MRNIP: variants seen among roughly 807,000 people sequenced by gnomAD.
MRNIP encodes the protein MRN complex interacting protein.
A neutral mutation model predicts 29.8 loss-of-function variants in MRNIP; 30 were observed. That is an observed-to-expected ratio of 1.01 (90% CI 0.75 to 1.36). MRNIP has a LOEUF of 1.36. Among genes scored for constraint, MRNIP ranks in the 40% most tolerant of loss-of-function variants. The pLI is 0.00. For missense variants in MRNIP, 459 were observed against 423.5 expected, an observed-to-expected ratio of 1.08 and a Z score of -0.74; for synonymous variants, 201 against 164.1, an observed-to-expected ratio of 1.23 and a Z score of -1.72.
chr5:179,841,751 GC>G lies in MRNIP; in HGVS notation c.449+155del. The G allele has an allele frequency of 3.9e-6, 3 of 765,002 alleles. No individual in the cohort carries two copies. The South Asian group carries it at 5.2e-5, about 13-fold the overall frequency. The allele number at this position is 765,002 out of a possible 1,614,324, so 47.4% of individuals were successfully genotyped here. A position where few individuals can be genotyped will look rare whatever the true frequency, so the allele number is the denominator to read the frequency against. On this transcript the variant is annotated intron_variant, in intron 5 of 6. Coordinates refer to ENST00000292586, the MANE Select transcript of MRNIP (RefSeq NM_016175.4). Reference sequence around the variant, plus strand: ...GCCCAATGCCCAGGTGGGCTGTGGGGCCAGCAGTGGCAGCAGCTGCCCGATT... The same window carrying G: ...GCCCAATGCCCAGGTGGGCTGTGGGGCAGCAGTGGCAGCAGCTGCCCGATT...
rs1433405228 is a variant in MRNIP, at chr5:179,837,296, G to A, written c.*95C>T. On this transcript the variant is annotated 3_prime_UTR_variant, in exon 7 of 7. Transcript: ENST00000292586. Reference sequence around the variant, plus strand: ...AGAAATGATTGACAGTAAGTTTATTGTTAATGGTTCTTACAGAGTATCTTT... The same window carrying A: ...AGAAATGATTGACAGTAAGTTTATTATTAATGGTTCTTACAGAGTATCTTT... 6.8e-6 allele frequency: 11 copies of A among 1,606,566 alleles called. No homozygotes were observed. The highest frequency in any genetic ancestry group is 6.7e-5 in the African/African-American group (5 of 74,624).
At chr5:179,837,995 G>A in intron 6 of MRNIP, 110 bp from the exon 7 acceptor site, 1 of 1,036,016 alleles carries the variant, frequency 9.7e-7, no homozygotes, top group African/African-American at 1.6e-5. Flanking sequence ...GACACTTTCT[G>A]CTGGAAGCTG....
chr5:179,845,319 T>C (rs1182611329), intron 3 of MRNIP, among the ~76,000 whole-genome samples: 1 of 151,992 alleles, frequency 6.6e-6, no homozygotes, highest in African/African-American at 2.4e-5. Context: ...CAGCTAATTT[T>C]TGTATTTTTA....
intron 2 of MRNIP, chr5:179,851,323 A>G: frequency 2.2e-6 from 1 of 456,108 alleles, no homozygotes; most frequent in South Asian, 1.5e-5. Flanking sequence ...GCCTGGGCCA[A>G]CCAGGTTGCT....
intron 2 of MRNIP, among the ~76,000 whole-genome samples, 196 bp from the exon 3 acceptor site, chr5:179,848,262 T>C (rs890751881): frequency 6.6e-6 from 1 of 152,196 alleles, no homozygotes; most frequent in Non-Finnish European, 1.5e-5. Context: ...CCGGAACTAA[T>C]AGTTTACATC....
At chr5:179,842,749 A>G (rs1169415406) in intron 4 of MRNIP, among the ~76,000 whole-genome samples, 7 of 118,728 alleles carry the variant, frequency 5.9e-5, no homozygotes, top group African/African-American at 2.2e-4. Flanking sequence ...GGGTGGAAAC[A>G]TGGCCAGGCG....
rs1258429492 is a variant in MRNIP, at chr5:179,837,329, C to T, written c.*62G>A. 6.9e-6 allele frequency: 11 copies of T among 1,587,940 alleles called. No individual in the cohort carries two copies. The highest frequency in any genetic ancestry group is 9.4e-6 in the Non-Finnish European group (11 of 1,166,810). On this transcript the variant is annotated 3_prime_UTR_variant, in exon 7 of 7. Coordinates refer to ENST00000292586, the MANE Select transcript of MRNIP (RefSeq NM_016175.4). ...TTCTTACAGAGTATCTTTAAAAGTG[C>T]CTTAGGGGAACCCTGTCCCTCCTAA...
intron 3 of MRNIP, 41 bp downstream of exon 3, chr5:179,847,935 GAA>G: frequency 7.3e-7 from 1 of 1,378,418 alleles, no homozygotes; most frequent in Non-Finnish European, 1.0e-6. Context: ...CAGTCAAGAC[GAA>G]AACAGGGCAA....
intron 1 of MRNIP, among the ~76,000 whole-genome samples, chr5:179,856,509 G>A (rs895665013): frequency 6.6e-6 from 1 of 152,044 alleles, no homozygotes; most frequent in Non-Finnish European, 1.5e-5. Flanking sequence ...TCTGGCTGTC[G>A]CCCAGGCTGG....
chr5:179,844,234 G>A lies in MRNIP; in HGVS notation c.216-7C>T, dbSNP rs774733308. 9 of 1,612,452 alleles carry A rather than the reference G, an allele frequency of 5.6e-6. No individual in the cohort carries two copies. In the Admixed American group the frequency reaches 1.5e-4, roughly 27 times the overall value. ...GACAGTTTCTTCTAGAGACCTTCAG[G>A]GAAGACCATACATATGCCCTTTGAA... On this transcript the variant is annotated splice_polypyrimidine_tract_variant and splice_region_variant and intron_variant, in intron 3 of 6. Coordinates refer to ENST00000292586, the MANE Select transcript of MRNIP (RefSeq NM_016175.4).
intron 2 of MRNIP, among the ~76,000 whole-genome samples, chr5:179,849,998 G>A (rs1053390598): frequency 5.3e-5 from 8 of 151,160 alleles, no homozygotes; most frequent in African/African-American, 9.8e-5. Context: ...TAGATGGTAC[G>A]AGACGGAATT....
intron 1 of MRNIP, among the ~76,000 whole-genome samples, chr5:179,856,577 C>A (rs541013391): frequency 6.6e-6 from 1 of 152,278 alleles, no homozygotes; most frequent in South Asian, 2.1e-4. Flanking sequence ...TGAAGCGATT[C>A]TCCTGCCTCA....
chr5:179,841,693 G>C, intron 5 of MRNIP: 6 of 603,616 alleles, frequency 9.9e-6, no homozygotes, highest in Non-Finnish European at 1.5e-5. Flanking sequence ...GCACACGGGT[G>C]TCCTGCCCAG....
At chr5:179,845,001 T>C (rs530338953) in intron 3 of MRNIP, among the ~76,000 whole-genome samples, 7 of 152,368 alleles carry the variant, frequency 4.6e-5, no homozygotes, top group South Asian at 2.1e-4. Flanking sequence ...TCTTCAGTTA[T>C]TGCTTTTGCC....
At position 179,847,575 on chromosome 5, in the gene MRNIP, G is replaced by A. The variant is rs188746285; in HGVS notation, c.215+403C>T. The A allele has an allele frequency of 1.2e-3, 194 of 162,780 alleles. 1 individual carries two copies. Among genetic ancestry groups the A allele is most frequent in the Non-Finnish European group, 2.0e-3 (147 of 74,024 alleles). The allele number at this position is 162,780 out of a possible 1,614,324, so 10.1% of individuals were successfully genotyped here. On this transcript the variant is annotated intron_variant, in intron 3 of 6. Coordinates refer to ENST00000292586, the MANE Select transcript of MRNIP (RefSeq NM_016175.4). ...GTGTTTGACTGCCATATTGTAAGAC[G>A]TGGAAGTCTAAGGGACTTCTCCACT...
intron 4 of MRNIP, among the ~76,000 whole-genome samples, chr5:179,843,042 G>GAAGAGGA (rs1758968918): frequency 3.5e-5 from 2 of 57,584 alleles, no homozygotes; most frequent in East Asian, 1.1e-3. Context: ...AAGGAGGAAA[G>GAAGAGGA]AAGGAAGGAA....
In MRNIP at chr5:179,840,904, C is replaced by T. The variant is rs1224821906; in HGVS notation, c.505G>A (p.Gly169Ser). ...GGTCCCCAGGCGACCTCAGAGCCAC[C>T]CGAGTCCTGCACGCCACGGCTGCAC... The part of the protein sequence containing the change: ...PPCSRGVQDS[G>S]GSEVAWGPQK... The change falls in exon 6 of 7, where the codon GGT (glycine) becomes AGT (serine). Residue 169 changes from glycine (G) to serine (S), a missense_variant. Transcript: ENST00000292586. 4 of 1,612,058 alleles carry T rather than the reference C, an allele frequency of 2.5e-6. No homozygotes were observed. In the African/African-American group the frequency reaches 4.0e-5, roughly 16 times the overall value.
intron 3 of MRNIP, 69 bp from the exon 4 acceptor site, chr5:179,844,296 T>C: frequency 7.6e-7 from 1 of 1,307,484 alleles, no homozygotes; most frequent in South Asian, 1.2e-5. Context: ...CTCACTCCTG[T>C]AATCCCAGCA....
intron 1 of MRNIP, among the ~76,000 whole-genome samples, chr5:179,854,801 A>C (rs1334525957): frequency 6.6e-6 from 1 of 152,254 alleles, no homozygotes; most frequent in Non-Finnish European, 1.5e-5. Flanking sequence ...GGTCTAAAAA[A>C]AATTCCGTAA....
Sources: gnomAD v4.1 joint callset for allele counts (sites outside exome capture counted in the v4.1 genomes callset) on GRCh38, gnomAD v4.1.1 for gene constraint, MANE v1.5 for transcripts, NCBI Gene and HGNC (gene_info 2026-07-23, HGNC 2026-07-21) for gene names.